Variants in RBFOX1 observed in about 807,000 individuals in gnomAD.
RBFOX1 encodes RNA binding protein fox-1 homolog 1.
A neutral mutation model predicts 57.7 loss-of-function variants in RBFOX1; 8 were observed. That is an observed-to-expected ratio of 0.14 (90% CI 0.08 to 0.25). The LOEUF (loss-of-function observed/expected upper bound fraction) is 0.25. Ranked by LOEUF, RBFOX1 falls within the 10% of genes least tolerant of loss-of-function variation. The probability of loss-of-function intolerance (pLI) is 1.00; values close to 1 mark genes in which losing one functional copy is unlikely to be tolerated. For synonymous variants in RBFOX1, 326 were observed against 222.4 expected (o/e 1.47, Z -4.15); for missense variants, 611 against 548.5 (o/e 1.11, Z -1.14).
chr16:7,635,660 A>AGTTAGTTT (rs2061637536), intron 11 of RBFOX1, among the ~76,000 whole-genome samples: 1 of 151,912 alleles, frequency 6.6e-6, no homozygotes, highest in African/African-American at 2.4e-5. Context: ...AATCATATTT[A>AGTTAGTTT]GTTTCACATA....
At position 5,856,575 on chromosome 16, in the gene RBFOX1, G is replaced by GTGTATATATATATATATATATATATA. The variant is rs1192496608; in HGVS notation, c.319-10727_319-10726insGTATATATATATATATATATATATAT. Among the ~76,000 whole-genome samples, 30 of 32,904 alleles carry GTGTATATATATATATATATATATATA rather than the reference G, an allele frequency of 9.1e-4. 1 individual carries two copies. The highest frequency in any genetic ancestry group is 1.1e-3 in the Non-Finnish European group (20 of 17,392). The allele number at this position is 32,904 out of a possible 152,430, so 21.6% of individuals were successfully genotyped here. On this transcript the variant is annotated intron_variant, in intron 3 of 19. Transcript: ENST00000641259. ...TGTGTGTGTGTGTATGTGTGTGTGTGTATATATATATATATATATATATAT... is the reference window on the plus strand; with the variant it reads ...TGTGTGTGTGTGTATGTGTGTGTGTGTGTATATATATATATATATATATATATATATATATATATATATATATATAT...
At chr16:6,248,931 T>C (rs1416333376) in intron 1 of RBFOX1, among the ~76,000 whole-genome samples, 1 of 152,164 alleles carries the variant, frequency 6.6e-6, no homozygotes, top group Non-Finnish European at 1.5e-5. Flanking sequence ...TTGCATTGTC[T>C]GGGTGCTTTC....
chr16:7,490,659 A>G (rs1019791021), intron 4 of RBFOX1, among the ~76,000 whole-genome samples: 5 of 152,376 alleles, frequency 3.3e-5, no homozygotes, highest in Middle Eastern at 3.4e-3. Flanking sequence ...AACAGATTGT[A>G]ACTATGGTCT....
chr16:7,546,598 G>C (rs537896775), intron 5 of RBFOX1, among the ~76,000 whole-genome samples: 60 of 152,220 alleles, frequency 3.9e-4, no homozygotes, highest in African/African-American at 1.3e-3. Context: ...TTAGAAAATA[G>C]ATAAAAATGC....
chr16:6,727,567 C>G (rs1423758082), intron 3 of RBFOX1, among the ~76,000 whole-genome samples: 2 of 152,174 alleles, frequency 1.3e-5, no homozygotes, highest in Middle Eastern at 3.4e-3. Flanking sequence ...GTACAAACAG[C>G]TCTTGGGGCC....
Position 5,980,284 on chromosome 16 carries a change from G to T in RBFOX1, c.351+112949G>T, listed in dbSNP as rs1425230849. 5.3e-5 allele frequency among the ~76,000 whole-genome samples: 8 copies of T among 152,342 alleles called. No individual in the cohort carries two copies. In the East Asian group the frequency reaches 1.2e-3, roughly 22 times the overall value. The stretch of plus-strand genomic sequence containing the variant: ...GACTCCTTCCCTCCAGCAGGATCTT[G>T]TGACTAGGCCACAGCTTGCAGAGAG... On this transcript the variant is annotated intron_variant, in intron 4 of 19. Transcript: ENST00000641259.
At chr16:5,360,022 G>A (rs2065499664) in intron 1 of RBFOX1, among the ~76,000 whole-genome samples, 1 of 152,212 alleles carries the variant, frequency 6.6e-6, no homozygotes, top group Non-Finnish European at 1.5e-5. Context: ...TTAGTAAGAT[G>A]TCCTCTCATG....
intron 4 of RBFOX1, among the ~76,000 whole-genome samples, chr16:7,145,458 C>T (rs1351033156): frequency 5.3e-5 from 8 of 152,262 alleles, no homozygotes; most frequent in East Asian, 1.9e-4. Flanking sequence ...CCACCTCCCT[C>T]GGCCTCCCAA....
intron 4 of RBFOX1, among the ~76,000 whole-genome samples, chr16:7,258,527 T>G (rs1348909969): frequency 6.6e-6 from 1 of 152,192 alleles, no homozygotes; most frequent in African/African-American, 2.4e-5. Flanking sequence ...GAAATATTGT[T>G]GTACATGCAC....
chr16:5,834,609 G>T (rs1363371396), intron 3 of RBFOX1, among the ~76,000 whole-genome samples: 2 of 148,684 alleles, frequency 1.3e-5, no homozygotes, highest in African/African-American at 5.2e-5. Context: ...TAGATAGATA[G>T]ATAGATAGAT....
At chr16:6,941,840 A>C (rs113222606) in intron 3 of RBFOX1, among the ~76,000 whole-genome samples, 2,133 of 151,958 alleles carry the variant, frequency 0.014, 61 homozygotes, top group African/African-American at 0.049. Context: ...TTTTCCCCCT[A>C]ACTCTTTCCC....
chr16:7,480,384 A>G (rs950992905), intron 4 of RBFOX1, among the ~76,000 whole-genome samples: 4 of 152,186 alleles, frequency 2.6e-5, no homozygotes, highest in African/African-American at 9.7e-5. Context: ...AAGAGAGATA[A>G]CACCTAGTAT....
intron 3 of RBFOX1, among the ~76,000 whole-genome samples, chr16:6,879,272 A>C (rs1683875892): frequency 1.3e-5 from 2 of 152,168 alleles, no homozygotes; most frequent in African/African-American, 4.8e-5. Context: ...TTTATCAGCC[A>C]GTTTTCTGAA....
chr16:6,774,595 T>C (rs1309289939), intron 3 of RBFOX1, among the ~76,000 whole-genome samples: 1 of 152,180 alleles, frequency 6.6e-6, no homozygotes, highest in Middle Eastern at 3.2e-3. Flanking sequence ...ACAATCTACA[T>C]GTCAGCTATA....
rs180810085 is a variant in RBFOX1 at position 7,234,034 on chromosome 16, A to G, written c.27+181936A>G. Among the ~76,000 whole-genome samples the G allele has an allele frequency of 2.0e-5, 3 of 152,304 alleles. No individual in the cohort carries two copies. In the East Asian group the frequency reaches 5.8e-4, roughly 29 times the overall value. On this transcript the variant is annotated intron_variant, in intron 4 of 15. Coordinates refer to ENST00000550418, the MANE Select transcript of RBFOX1 (RefSeq NM_018723.4). ...CAGCAAAACTGAGACAACATCAAGG[A>G]GTTACATTATCATGAGAAGAGAGGG... is the stretch of plus-strand genomic sequence containing the variant.
intron 3 of RBFOX1, among the ~76,000 whole-genome samples, chr16:6,790,034 A>G (rs918764573): frequency 6.0e-5 from 9 of 150,056 alleles, no homozygotes; most frequent in Non-Finnish European, 1.3e-4. Flanking sequence ...ATTTACTGTT[A>G]TTTTTCTAAA....
In RBFOX1 at chr16:7,104,939, T is replaced by TTG. The variant is rs1372550659; in HGVS notation, c.27+52852_27+52853dup. 2.0e-5 allele frequency among the ~76,000 whole-genome samples: 3 copies of TTG among 149,202 alleles called. No homozygotes were observed. The East Asian group carries it at 5.8e-4, about 29-fold the overall frequency. ...AAAATATACTCAGAAATCTCTGTGC[T>TTG]TGTGTGTGTGTGCACGTGCTTCTGT... is the stretch of plus-strand genomic sequence containing the variant. On this transcript the variant is annotated intron_variant, in intron 4 of 15. Coordinates refer to ENST00000550418, the MANE Select transcript of RBFOX1 (RefSeq NM_018723.4).
intron 3 of RBFOX1, among the ~76,000 whole-genome samples, chr16:5,609,135 G>T (rs999826104): frequency 3.3e-5 from 5 of 152,196 alleles, no homozygotes; most frequent in African/African-American, 4.8e-5. Context: ...TTATTGGAGG[G>T]AGGGGAGAGG....
intron 1 of RBFOX1, among the ~76,000 whole-genome samples, chr16:6,130,732 C>G (rs564934075): frequency 3.4e-4 from 52 of 152,244 alleles, no homozygotes; most frequent in African/African-American, 1.2e-3. Context: ...GTCTGTATTA[C>G]TGTCAAAGTT....
Sources: allele counts gnomAD v4.1 joint callset (sites outside exome capture counted in the v4.1 genomes callset), GRCh38; gene constraint gnomAD v4.1.1; transcripts MANE v1.5; gene names NCBI Gene and HGNC (gene_info 2026-07-23, HGNC 2026-07-21).